Variants in PXDNL observed in about 807,000 individuals in gnomAD.
PXDNL encodes the protein probable oxidoreductase PXDNL.
PXDNL carries 145 observed loss-of-function variants against 150.8 expected under a neutral mutation model. The observed-to-expected ratio is 0.96, with a 90% confidence interval of 0.84 to 1.10. PXDNL has a LOEUF of 1.10. Among genes scored for constraint, PXDNL ranks in the 50% least tolerant of loss-of-function variants. PXDNL has a pLI of 0.00. For missense variants in PXDNL, 2,087 were observed against 1,873.9 expected (o/e 1.11, Z -2.10); for synonymous variants, 757 against 725.7 (o/e 1.04, Z -0.69).
intron 1 of PXDNL, among the ~76,000 whole-genome samples, chr8:51,801,314 C>T (rs1563325266): frequency 6.6e-6 from 1 of 151,998 alleles, no homozygotes; most frequent in African/African-American, 2.4e-5. Flanking sequence ...GTTCTCGAAC[C>T]CTGTTTTCTG....
At chr8:51,726,604 A>G (rs761459243) in intron 1 of PXDNL, among the ~76,000 whole-genome samples, 2 of 152,188 alleles carry the variant, frequency 1.3e-5, no homozygotes, top group African/African-American at 2.4e-5. Flanking sequence ...ACTATTCTTT[A>G]ACTCACATTC....
intron 1 of PXDNL, among the ~76,000 whole-genome samples, chr8:51,706,106 T>C (rs898619622): frequency 6.6e-6 from 1 of 151,950 alleles, no homozygotes; most frequent in Non-Finnish European, 1.5e-5. Flanking sequence ...AGGTCAGGAG[T>C]TCGTGACCAG....
At chr8:51,808,049 A>G (rs1415573697) in intron 1 of PXDNL, among the ~76,000 whole-genome samples, 1 of 152,240 alleles carries the variant, frequency 6.6e-6, no homozygotes, top group African/African-American at 2.4e-5. Flanking sequence ...GCTTTATAGA[A>G]ATGAAAATCT....
At chr8:51,533,287 A>T (rs1011062971) in intron 4 of PXDNL, among the ~76,000 whole-genome samples, 2 of 151,984 alleles carry the variant, frequency 1.3e-5, no homozygotes, top group African/African-American at 4.8e-5. Context: ...AGTAGCTAGG[A>T]TCACAGGCAT....
intron 17 of PXDNL, among the ~76,000 whole-genome samples, chr8:51,376,272 C>T (rs1278754412): frequency 6.6e-6 from 1 of 152,214 alleles, no homozygotes; most frequent in African/African-American, 2.4e-5. Context: ...CTGGAACAGA[C>T]AGGCATATTA....
At chr8:51,684,036 A>C (rs571130823) in intron 1 of PXDNL, among the ~76,000 whole-genome samples, 2 of 152,372 alleles carry the variant, frequency 1.3e-5, no homozygotes, top group Admixed American at 1.3e-4. Flanking sequence ...TTAAATTAGC[A>C]GTTCAGAATC....
At chr8:51,598,730 G>T (rs752828668) in intron 2 of PXDNL, among the ~76,000 whole-genome samples, 4 of 152,018 alleles carry the variant, frequency 2.6e-5, no homozygotes, top group Admixed American at 2.0e-4. Flanking sequence ...CTAGATGTGC[G>T]TATCTAGGTG....
At chr8:51,525,533 G>T (rs1811753031) in intron 4 of PXDNL, among the ~76,000 whole-genome samples, 1 of 152,140 alleles carries the variant, frequency 6.6e-6, no homozygotes, top group Admixed American at 6.5e-5. Context: ...GGTAAACAAA[G>T]TTCTAACATG....
At chr8:51,394,031 C>T (rs1257057453) in intron 17 of PXDNL, among the ~76,000 whole-genome samples, 1 of 152,150 alleles carries the variant, frequency 6.6e-6, no homozygotes, top group Non-Finnish European at 1.5e-5. Context: ...AGATTAAAAC[C>T]TGCATTCTCC....
chr8:51,558,884 GAGAA>G (rs1340502319), intron 3 of PXDNL, among the ~76,000 whole-genome samples: 1 of 152,050 alleles, frequency 6.6e-6, no homozygotes, highest in African/African-American at 2.4e-5. Context: ...GTTTGCAGCA[GAGAA>G]AGAGTTTAAT....
chr8:51,710,307 T>G (rs1397705405), intron 1 of PXDNL, among the ~76,000 whole-genome samples: 1 of 152,206 alleles, frequency 6.6e-6, no homozygotes, highest in African/African-American at 2.4e-5. Flanking sequence ...ATTTTTAGAA[T>G]CTATTTTAAC....
At chr8:51,325,999 T>C (rs1424027479) in intron 21 of PXDNL, among the ~76,000 whole-genome samples, 1 of 152,172 alleles carries the variant, frequency 6.6e-6, no homozygotes, top group East Asian at 1.9e-4. Context: ...GTTGGGCCTT[T>C]TTCTGTGTCT....
chr8:51,658,244 A>T (rs1008595669), intron 1 of PXDNL, among the ~76,000 whole-genome samples: 8 of 149,688 alleles, frequency 5.3e-5, no homozygotes, highest in African/African-American at 1.7e-4. Flanking sequence ...CAGGAGGTCG[A>T]GGTGGGAAGA....
intron 1 of PXDNL, among the ~76,000 whole-genome samples, chr8:51,724,541 C>A (rs571146962): frequency 6.6e-6 from 1 of 152,166 alleles, no homozygotes; most frequent in Non-Finnish European, 1.5e-5. Flanking sequence ...CTCAAGAGAA[C>A]CTGAAGTTGT....
chr8:51,495,338 A>C (rs1210171778), intron 5 of PXDNL, among the ~76,000 whole-genome samples: 1 of 152,222 alleles, frequency 6.6e-6, no homozygotes. Flanking sequence ...AGAAAGATCT[A>C]AAATTGACAC....
chr8:51,700,741 CTT>C (rs369434226), intron 1 of PXDNL, among the ~76,000 whole-genome samples: 2 of 151,434 alleles, frequency 1.3e-5, no homozygotes, highest in East Asian at 1.9e-4. Context: ...TACACATACA[CTT>C]ATACATACTC....
chr8:51,796,345 C>CAA (rs774369352), intron 1 of PXDNL, among the ~76,000 whole-genome samples: 67 of 119,154 alleles, frequency 5.6e-4, no homozygotes, highest in African/African-American at 2.2e-3. Flanking sequence ...CAACAACAAC[C>CAA]AAAAAAAAAA....
intron 19 of PXDNL, among the ~76,000 whole-genome samples, chr8:51,356,007 TG>T (rs1376587560): frequency 6.6e-6 from 1 of 152,088 alleles, no homozygotes; most frequent in Admixed American, 6.6e-5. Flanking sequence ...GGTCACATGG[TG>T]GGGTGAGGAA....
intron 8 of PXDNL, among the ~76,000 whole-genome samples, chr8:51,465,738 T>C (rs962960090): frequency 6.6e-6 from 1 of 152,204 alleles, no homozygotes; most frequent in Non-Finnish European, 1.5e-5. Flanking sequence ...AATAGTAGCA[T>C]TTCTGTACAC....
Sources: gnomAD v4.1 joint callset for allele counts (sites outside exome capture counted in the v4.1 genomes callset) on GRCh38, gnomAD v4.1.1 for gene constraint, MANE v1.5 for transcripts, NCBI Gene and HGNC (gene_info 2026-07-23, HGNC 2026-07-21) for gene names.